The following ZIM2 variants were observed in gnomAD, a reference collection of about 807,000 sequenced individuals.
The protein encoded by ZIM2 is zinc finger imprinted 2.
In ZIM2, 14 loss-of-function variants were observed where a neutral mutation model predicts 38.6. That is an observed-to-expected ratio of 0.36 (90% confidence interval 0.24 to 0.57). The LOEUF is 0.57. ZIM2 is among the 20% of genes least tolerant of loss of function. ZIM2 has a pLI of 0.81. For missense variants in ZIM2, 680 were observed against 695.1 expected (o/e 0.98, Z 0.24); for synonymous variants, 247 against 245.8 (o/e 1.00, Z -0.04).
In ZIM2 at chr19:56,818,645, T is replaced by A. The variant is rs769481702; in HGVS notation, c.352A>T (p.Thr118Ser). The A allele has an allele frequency of 6.2e-7, 1 of 1,614,166 alleles. No individual in the cohort carries two copies. The highest frequency in any genetic ancestry group is 1.7e-5 in the Admixed American group (1 of 60,026). The change falls in exon 8 of 13, where the codon ACA (threonine) becomes TCA (serine). Residue 118 changes from threonine to serine, a missense_variant. Physicochemically the swap from Thr to Ser is moderately conservative, Grantham distance 58. Transcript: ENST00000629319. The part of the protein sequence containing the change: ...DLAEDRKPHN[T>S]IQDNMENYRK... ...TAGTTTTCCATGTTGTCCTGGATTG[T>A]GTTGTGAGGTTTCCTGTCCTCAGCG...
intron 7 of ZIM2, among the ~76,000 whole-genome samples, chr19:56,819,321 G>A (rs972390490): frequency 6.6e-6 from 1 of 152,182 alleles, no homozygotes; most frequent in Non-Finnish European, 1.5e-5. Flanking sequence ...AATCACCCAG[G>A]AATAACTGTA....
Position 56,775,375 on chromosome 19 carries a change from C to T in ZIM2, c.990G>A (p.Lys330=), listed in dbSNP as rs2145815936. 1 of 1,614,094 alleles carries T rather than the reference C, an allele frequency of 6.2e-7. No individual in the cohort carries two copies. The highest frequency in any genetic ancestry group is 8.5e-7 in the Non-Finnish European group (1 of 1,180,006). Residue 330 remains lysine, a synonymous_variant, in exon 13 of 13, where the codon AAG becomes AAA. Coordinates refer to ENST00000629319, the MANE Select transcript of ZIM2 (RefSeq NM_001387356.1). ...CCTGGGGATCCTTTCCTAGAGGATCCTTTGATTGTTTACTAAGATTAGAGC... is the reference window on the plus strand; with the variant it reads ...CCTGGGGATCCTTTCCTAGAGGATCTTTTGATTGTTTACTAAGATTAGAGC... The part of the protein sequence containing the change: ...ERSSNLSKQS[K]DPLGKDPQEG...
chr19:56,803,874 A>G (rs2047640974), intron 9 of ZIM2, among the ~76,000 whole-genome samples: 1 of 152,246 alleles, frequency 6.6e-6, no homozygotes, highest in Admixed American at 6.5e-5. Flanking sequence ...AAATGGGGTT[A>G]TACCAAAAAT....
chr19:56,817,243 C>T (rs767853113), intron 9 of ZIM2: 2 of 1,614,056 alleles, frequency 1.2e-6, no homozygotes, highest in Non-Finnish European at 1.7e-6. Flanking sequence ...CGAGCCCTTC[C>T]CATCTGTGTC....
In ZIM2 at chr19:56,815,097, G is replaced by T. The variant is rs919274227; in HGVS notation, c.490+2649C>A. On this transcript the variant is annotated intron_variant, in intron 9 of 12. Coordinates refer to ENST00000629319, the MANE Select transcript of ZIM2 (RefSeq NM_001387356.1). ...CTGTGAGGTCTGTGAGATCCACAAA[G>T]CCCAGGCCACAGTCCTCACATTCAT... is the stretch of plus-strand genomic sequence containing the variant. The T allele has an allele frequency of 7.4e-6, 12 of 1,613,780 alleles. No individual in the cohort carries two copies. The Admixed American group carries it at 8.3e-5, about 11-fold the overall frequency.
At chr19:56,809,009 A>G (rs1284295361) in intron 9 of ZIM2, among the ~76,000 whole-genome samples, 2 of 152,238 alleles carry the variant, frequency 1.3e-5, no homozygotes, top group Non-Finnish European at 2.9e-5. Flanking sequence ...TAAGCATAGC[A>G]GTAGGGAAGT....
At position 56,782,108 on chromosome 19, in the gene ZIM2, T is replaced by C. The variant is rs201541761; in HGVS notation, c.584A>G (p.Lys195Arg). The change falls in exon 11 of 13, where the codon AAA becomes AGA. Residue 195 changes from lysine (K) to arginine (R), a missense_variant. By Grantham distance (26) the Lys-to-Arg change is conservative. Coordinates refer to ENST00000629319, the MANE Select transcript of ZIM2 (RefSeq NM_001387356.1). The stretch of plus-strand genomic sequence containing the variant: ...AAACACCAGAAATGTTCCTAAGTGT[T>C]TGAAGTCCGGGAACTATCCCAGAGA... ...PSAGSQFPDF[K>R]HLGTFLVFEE... is the part of the protein sequence containing the mutation. 1.8e-4 allele frequency: 289 copies of C among 1,613,614 alleles called. No individual in the cohort carries two copies. The highest frequency in any genetic ancestry group is 2.2e-4 in the Non-Finnish European group (260 of 1,179,754).
At chr19:56,791,094 A>G (rs1336669355) in intron 9 of ZIM2, 1 of 152,136 alleles carries the variant, frequency 6.6e-6, no homozygotes, top group African/African-American at 2.4e-5. Flanking sequence ...AGCTTCATCA[A>G]TAACTCAGTG....
chr19:56,834,488 T>C (rs1366232818), intron 2 of ZIM2, among the ~76,000 whole-genome samples: 2 of 152,192 alleles, frequency 1.3e-5, no homozygotes, highest in Non-Finnish European at 2.9e-5. Context: ...TTGCTGATCA[T>C]ACACACTGCT....
At chr19:56,780,663 A>T (rs1450195515) in intron 11 of ZIM2, among the ~76,000 whole-genome samples, 1 of 152,206 alleles carries the variant, frequency 6.6e-6, no homozygotes, top group African/African-American at 2.4e-5. Flanking sequence ...AACTAAGGTT[A>T]TTGAGTGCTA....
chr19:56,812,707 T>C (rs966667865), intron 9 of ZIM2: 1 of 984,572 alleles, frequency 1.0e-6, no homozygotes, highest in Non-Finnish European at 1.2e-6. Context: ...TAGGCACTAC[T>C]GTGATCTAGT....
At chr19:56,775,594 AT>A in intron 12 of ZIM2, 65 bp from the exon 13 acceptor site, 1 of 1,519,366 alleles carries the variant, frequency 6.6e-7, no homozygotes, top group Non-Finnish European at 8.8e-7. Context: ...CAATAATGAT[AT>A]TTCTATAGGC....
chr19:56,813,047 T>C, intron 9 of ZIM2: 1 of 985,370 alleles, frequency 1.0e-6, no homozygotes, highest in Non-Finnish European at 1.2e-6. Flanking sequence ...CCATGTTATC[T>C]ATCATGCCTA....
chr19:56,812,592 A>G (rs758937143), intron 9 of ZIM2: 139 of 985,656 alleles, frequency 1.4e-4, no homozygotes, highest in Non-Finnish European at 1.6e-4. Flanking sequence ...CCATGTTGCT[A>G]CTTGTCACTT....
At chr19:56,808,627 G>T (rs566366044) in intron 9 of ZIM2, among the ~76,000 whole-genome samples, 1 of 152,110 alleles carries the variant, frequency 6.6e-6, no homozygotes, top group Non-Finnish European at 1.5e-5. Context: ...AAACTCGAGA[G>T]CTGGCTAGCC....
At chr19:56,833,381 C>T in intron 2 of ZIM2, 1 of 351,590 alleles carries the variant, frequency 2.8e-6, no homozygotes, top group South Asian at 2.2e-5. Flanking sequence ...GGTGTGTGGT[C>T]TCGTCTCTCT....
intron 9 of ZIM2, among the ~76,000 whole-genome samples, chr19:56,794,917 T>C (rs1338532013): frequency 6.6e-6 from 1 of 152,216 alleles, no homozygotes; most frequent in Non-Finnish European, 1.5e-5. Flanking sequence ...GATTGAAAAA[T>C]ATATCATTTT....
At chr19:56,833,283 T>C in intron 2 of ZIM2, 2 of 433,126 alleles carry the variant, frequency 4.6e-6, no homozygotes, top group South Asian at 3.3e-5. Flanking sequence ...TAACTCGTTC[T>C]ACCTACCTCA....
At chr19:56,838,002 C>G (rs1195733287) in intron 1 of ZIM2, among the ~76,000 whole-genome samples, 3 of 152,340 alleles carry the variant, frequency 2.0e-5, no homozygotes, top group Admixed American at 6.5e-5. Flanking sequence ...CAAGACAAAG[C>G]AGACCCTCCC....
Sources: allele counts gnomAD v4.1 joint callset (sites outside exome capture counted in the v4.1 genomes callset), GRCh38; gene constraint gnomAD v4.1.1; transcripts MANE v1.5; gene names NCBI Gene and HGNC (gene_info 2026-07-23, HGNC 2026-07-21).